TMEM165: variants seen among roughly 807,000 people sequenced by gnomAD.
The protein encoded by TMEM165 is putative divalent cation/proton antiporter TMEM165.
TMEM165 carries 19 observed loss-of-function variants against 30.0 expected under a neutral mutation model. The observed-to-expected ratio is 0.63, with a 90% confidence interval of 0.44 to 0.93. The LOEUF (loss-of-function observed/expected upper bound fraction) is 0.93, where lower values mean the gene tolerates loss of function less well. TMEM165 is among the 40% of genes least tolerant of loss of function. The pLI is 0.00. For missense variants in TMEM165, 340 were observed against 417.0 expected (o/e 0.82, Z 1.61); for synonymous variants, 168 against 162.9 (o/e 1.03, Z -0.24).
At chr4:55,427,962 CAAGTT>C (rs1722303285), downstream of TMEM165, 1 of 152,272 alleles carries the variant, frequency 6.6e-6, no homozygotes, top group East Asian at 1.9e-4. Context: ...GTGATTCTTA[CAAGTT>C]ATGTGCCACA....
chr4:55,442,896 G>C (rs573577899), intron 3 of TMEM165, among the ~76,000 whole-genome samples: 3 of 152,184 alleles, frequency 2.0e-5, no homozygotes, highest in Admixed American at 2.0e-4. Context: ...TATACTCAAA[G>C]AATTTCTGTT....
chr4:55,435,274 C>T, intron 3 of TMEM165: 1 of 991,812 alleles, frequency 1.0e-6, no homozygotes, highest in Non-Finnish European at 1.5e-6. Flanking sequence ...TTTTCTCTGC[C>T]AACTAATTCC....
chr4:55,441,670 A>T (rs1723379729), intron 3 of TMEM165, among the ~76,000 whole-genome samples: 1 of 152,196 alleles, frequency 6.6e-6, no homozygotes, highest in Non-Finnish European at 1.5e-5. Context: ...TGTAAGTGGG[A>T]GCTAAGCTAT....
intron 4 of TMEM165, among the ~76,000 whole-genome samples, chr4:55,420,322 CTG>C (rs1721923133): frequency 1.3e-5 from 2 of 150,848 alleles, no homozygotes; most frequent in South Asian, 4.3e-4. Context: ...TCTCTCTACT[CTG>C]TGGCATAGAC....
In TMEM165 at chr4:55,445,582, C is replaced by CTTTTT. The variant is rs56157186; in HGVS notation, c.409-6635_409-6631dup. ...TCTCTGCATCTGCTATTTCTATATT[C>CTTTTT]TTTTTTTTTTTTTTTTTTTTTTTTT... On this transcript the variant is annotated intron_variant, in intron 3 of 3. Transcript: ENST00000608091. Among the ~76,000 whole-genome samples, 8 of 68,592 alleles carry CTTTTT rather than the reference C, an allele frequency of 1.2e-4. 2 individuals are homozygous for CTTTTT. Among genetic ancestry groups the CTTTTT allele is most frequent in the Admixed American group, 4.1e-4 (2 of 4,856 alleles). 45.0% of individuals were successfully genotyped at this position (68,592 alleles called of 152,430 possible).
chr4:55,447,832 G>C (rs1723996337), intron 3 of TMEM165, among the ~76,000 whole-genome samples: 1 of 152,106 alleles, frequency 6.6e-6, no homozygotes, highest in African/African-American at 2.4e-5. Flanking sequence ...GACCTGCTAA[G>C]TTAAGGTATA....
chr4:55,443,871 C>T, intron 3 of TMEM165: 1 of 1,612,638 alleles, frequency 6.2e-7, no homozygotes, highest in Non-Finnish European at 8.5e-7. Flanking sequence ...AAAATTCAAC[C>T]CAGGATTTGA....
At chr4:55,438,605 A>T (rs1259562591) in intron 3 of TMEM165, 1 of 1,608,360 alleles carries the variant, frequency 6.2e-7, no homozygotes, top group Non-Finnish European at 8.5e-7. Context: ...AACGCAGTGG[A>T]GTAAATACTT....
At chr4:55,436,687 TTC>T (rs774150805) in intron 3 of TMEM165, among the ~76,000 whole-genome samples, 11 of 152,168 alleles carry the variant, frequency 7.2e-5, no homozygotes, top group Non-Finnish European at 1.5e-4. Flanking sequence ...AGAGTTTTCT[TTC>T]TCTCTTTGTT....
downstream of TMEM165, among the ~76,000 whole-genome samples, chr4:55,426,629 C>T (rs937877885): frequency 6.6e-6 from 1 of 152,170 alleles, no homozygotes; most frequent in African/African-American, 2.4e-5. Flanking sequence ...GACAATTCTA[C>T]AGAAACATCC....
At chr4:55,445,582 C>CTTTGTTTTTTTTTTTTTTTTT (rs1723748277) in intron 3 of TMEM165, among the ~76,000 whole-genome samples, 1 of 68,574 alleles carries the variant, frequency 1.5e-5, no homozygotes, top group Non-Finnish European at 2.7e-5. Context: ...TTTCTATATT[C>CTTTGTTTTTTTTTTTTTTTTT]TTTTTTTTTT....
chr4:55,401,180 A>G (rs1720980821), intron 1 of TMEM165, among the ~76,000 whole-genome samples: 1 of 149,980 alleles, frequency 6.7e-6, no homozygotes, highest in Non-Finnish European at 1.5e-5. Flanking sequence ...AGGGCATTCT[A>G]CATTGAGTAT....
chr4:55,443,621 G>A (rs1723549055), intron 3 of TMEM165: 1 of 1,208,794 alleles, frequency 8.3e-7, no homozygotes, highest in African/African-American at 1.5e-5. Flanking sequence ...CTTTATTTCT[G>A]CTTCAGCAAT....
At chr4:55,427,620 C>T (rs532095711), downstream of TMEM165, among the ~76,000 whole-genome samples, 3 of 152,226 alleles carry the variant, frequency 2.0e-5, no homozygotes, top group Non-Finnish European at 2.9e-5. Context: ...GCTAGGATTA[C>T]AGGCGTGAGC....
chr4:55,447,720 C>T (rs1723986201), intron 3 of TMEM165, among the ~76,000 whole-genome samples: 1 of 152,060 alleles, frequency 6.6e-6, no homozygotes, highest in East Asian at 1.9e-4. Flanking sequence ...GTATGTATCT[C>T]CTATCATATA....
rs370796395 is a variant in TMEM165 at position 55,425,402 on chromosome 4, T to C, written c.925T>C (p.Leu309=). Residue 309 remains leucine (L), a synonymous_variant, in exon 6 of 6, where the codon TTG becomes CTG. Transcript: ENST00000381334. ...TVTIIGGIVF[L]AFAFSALFIS... ...GACAATCATAGGAGGCATCGTTTTT[T>C]TGGCGTTTGCATTTTCTGCACTATT... 6 of 1,613,916 alleles carry C rather than the reference T, an allele frequency of 3.7e-6. No individual in the cohort carries two copies. The highest frequency in any genetic ancestry group is 1.3e-5 in the African/African-American group (1 of 74,944).
chr4:55,402,518 G>A (rs1380078261), intron 1 of TMEM165, among the ~76,000 whole-genome samples: 1 of 121,564 alleles, frequency 8.2e-6, no homozygotes, highest in African/African-American at 3.5e-5. Context: ...TGAGATCTTG[G>A]TTCACTTCAA....
chr4:55,407,565 G>A (rs1178843088), intron 1 of TMEM165, among the ~76,000 whole-genome samples: 3 of 152,156 alleles, frequency 2.0e-5, no homozygotes, highest in African/African-American at 4.8e-5. Context: ...ACCAGAAAAT[G>A]TAAAATTGTA....
In TMEM165 at chr4:55,401,803, C is replaced by A. The variant is rs573566774; in HGVS notation, c.207+5407C>A. Among the ~76,000 whole-genome samples the A allele has an allele frequency of 2.4e-4, 36 of 149,690 alleles. 1 individual carries two copies. The South Asian group carries it at 4.2e-3, about 17-fold the overall frequency. On this transcript the variant is annotated intron_variant, in intron 1 of 5. Coordinates refer to ENST00000381334, the MANE Select transcript of TMEM165 (RefSeq NM_018475.5). ...AATTTATTTAGTGGTATGCTGTCATCAAAAAAATTCATTAAAAATAAAATC... is the reference window on the plus strand; with the variant it reads ...AATTTATTTAGTGGTATGCTGTCATAAAAAAAATTCATTAAAAATAAAATC...
Sources: gnomAD v4.1 joint callset for allele counts (sites outside exome capture counted in the v4.1 genomes callset) on GRCh38, gnomAD v4.1.1 for gene constraint, MANE v1.5 for transcripts, NCBI Gene and HGNC (gene_info 2026-07-23, HGNC 2026-07-21) for gene names.